Variants in SEMA4F observed in about 807,000 individuals in gnomAD.
The protein encoded by SEMA4F is ssemaphorin 4F, also known as semaphorin-4F.
In SEMA4F, 51 loss-of-function variants were observed where a neutral mutation model predicts 78.4. The observed-to-expected ratio is 0.65, with a 90% CI of 0.52 to 0.82. The LOEUF is 0.82. SEMA4F is among the 40% of genes least tolerant of loss of function. SEMA4F has a pLI of 0.00. For missense variants in SEMA4F, 938 were observed against 1,014.4 expected (o/e 0.92, Z 1.02); for synonymous variants, 418 against 408.7 (o/e 1.02, Z -0.27).
chr2:74,661,891 G>A (rs747162059), intron 4 of SEMA4F, among the ~76,000 whole-genome samples: 5 of 152,068 alleles, frequency 3.3e-5, no homozygotes, highest in East Asian at 1.9e-4. Context: ...TGGCATTTCC[G>A]TGCCATAACT....
At chr2:74,663,853 C>T (rs1464802431) in intron 5 of SEMA4F, among the ~76,000 whole-genome samples, 1 of 152,174 alleles carries the variant, frequency 6.6e-6, no homozygotes, top group Non-Finnish European at 1.5e-5. Flanking sequence ...CATATCATAT[C>T]CTAAATGGAT....
chr2:74,664,832 T>C (rs530935556), intron 5 of SEMA4F, among the ~76,000 whole-genome samples: 4 of 152,348 alleles, frequency 2.6e-5, no homozygotes, highest in African/African-American at 9.6e-5. Flanking sequence ...CAATTACATA[T>C]CTTTTCCTTT....
chr2:74,692,732 A>T, the SEMA4F span, among the ~76,000 whole-genome samples: 1 of 152,190 alleles, frequency 6.6e-6, no homozygotes, highest in Non-Finnish European at 1.5e-5. Context: ...CACAGATCTG[A>T]GGCTTCTGTT....
At chr2:74,670,017 T>C (rs1025956471) in intron 5 of SEMA4F, among the ~76,000 whole-genome samples, 3 of 152,226 alleles carry the variant, frequency 2.0e-5, no homozygotes. Context: ...GTTGAATTTT[T>C]CCTGGTGTGT....
chr2:74,687,105 G>A (rs1280542818), downstream of SEMA4F, among the ~76,000 whole-genome samples: 1 of 152,094 alleles, frequency 6.6e-6, no homozygotes, highest in Non-Finnish European at 1.5e-5. Flanking sequence ...GATTTACAGA[G>A]CCTCACATGT....
At position 74,680,100 on chromosome 2, in the gene SEMA4F, G is replaced by A. The variant is rs113159774; in HGVS notation, c.2204G>A (p.Ser735Asn). 1.3e-3 allele frequency: 2,052 copies of A among 1,613,776 alleles called. 2 individuals are homozygous for A. Among genetic ancestry groups the A allele is most frequent in the Non-Finnish European group, 1.7e-3 (1,956 of 1,179,642 alleles). Residue 735 changes from serine to asparagine, a missense_variant, in exon 14 of 14, where the codon AGT becomes AAT. Transcript: ENST00000357877. The part of the protein sequence containing the change: ...RLPLALAKRG[S>N]GFGGFSPPFL... ...CCGCTGGCCCTGGCCAAGAGGGGCAGTGGCTTTGGTGGATTCTCACCACCC... is the reference window on the plus strand; with the variant it reads ...CCGCTGGCCCTGGCCAAGAGGGGCAATGGCTTTGGTGGATTCTCACCACCC...
chr2:74,683,935 G>A (rs1685748014), downstream of SEMA4F: 1 of 152,174 alleles, frequency 6.6e-6, no homozygotes, highest in South Asian at 2.1e-4. Context: ...TATGCGTGAT[G>A]AACCTACCTA....
chr2:74,690,777 T>C, the SEMA4F span, among the ~76,000 whole-genome samples: 5 of 152,206 alleles, frequency 3.3e-5, no homozygotes, highest in Non-Finnish European at 2.9e-5. Context: ...TGTCGCTTTT[T>C]CCCCAAGAAT....
the SEMA4F span, among the ~76,000 whole-genome samples, chr2:74,697,165 G>A: frequency 1.3e-5 from 2 of 152,224 alleles, no homozygotes; most frequent in Admixed American, 1.3e-4. Context: ...CTGGAGATCT[G>A]TCTTCCCAGG....
At chr2:74,673,969 G>C in intron 7 of SEMA4F, 141 bp downstream of exon 7, 1 of 1,002,844 alleles carries the variant, frequency 1.0e-6, no homozygotes, top group Non-Finnish European at 1.5e-6. Flanking sequence ...CTGGGAGCTT[G>C]AGGAATGTGA....
rs1225016815 is a variant in SEMA4F at position 74,658,668 on chromosome 2, C to G, written c.456+717C>G. Reference sequence around the variant, plus strand: ...TAGTCATGATCTCTGGGACTGATGACTGTTTCTGAATTCTCAGCTTTTCCC... The same window carrying G: ...TAGTCATGATCTCTGGGACTGATGAGTGTTTCTGAATTCTCAGCTTTTCCC... On this transcript the variant is annotated intron_variant, in intron 4 of 13. Transcript: ENST00000357877. The surrounding 1 kb of genome is among the most constrained non-coding windows in gnomAD (Gnocchi z 4.3). 1.3e-5 allele frequency among the ~76,000 whole-genome samples: 2 copies of G among 152,238 alleles called. No individual in the cohort carries two copies. Among genetic ancestry groups the G allele is most frequent in the Non-Finnish European group, 2.9e-5 (2 of 68,052 alleles).
intron 1 of SEMA4F, among the ~76,000 whole-genome samples, chr2:74,654,762 C>G (rs895875987): frequency 6.6e-6 from 1 of 152,242 alleles, no homozygotes; most frequent in African/African-American, 2.4e-5. Flanking sequence ...GCTCCCACGA[C>G]ACGCCCAGGC....
Position 74,673,818 on chromosome 2 carries a change from G to C in SEMA4F, c.812G>C (p.Arg271Pro). The C allele has an allele frequency of 6.2e-7, 1 of 1,613,304 alleles. No individual in the cohort carries two copies. The highest frequency in any genetic ancestry group is 8.5e-7 in the Non-Finnish European group (1 of 1,179,540). Residue 271 changes from arginine to proline, a missense_variant, in exon 7 of 14, where the codon CGT becomes CCT. Coordinates refer to ENST00000357877, the MANE Select transcript of SEMA4F (RefSeq NM_004263.5). ...CGCATTAAAGTCCCACGGGTGGCCCGTGTGTGTGCGGTGAGACCCCATCCC... is the reference window on the plus strand; with the variant it reads ...CGCATTAAAGTCCCACGGGTGGCCCCTGTGTGTGCGGTGAGACCCCATCCC... ...YERIKVPRVA[R>P]VCAGDLGGRK...
intron 12 of SEMA4F, 94 bp from the exon 13 acceptor site, chr2:74,679,182 G>A: frequency 1.0e-6 from 1 of 974,278 alleles, no homozygotes; most frequent in Middle Eastern, 2.2e-4. Flanking sequence ...CTGGGATGAT[G>A]GGAGATATAT....
At chr2:74,700,730 A>G in the SEMA4F span, among the ~76,000 whole-genome samples, 2 of 152,200 alleles carry the variant, frequency 1.3e-5, no homozygotes, top group Non-Finnish European at 2.9e-5. Flanking sequence ...CTAGGATTCA[A>G]ATCTCAGGCA....
At chr2:74,704,807 C>T in the SEMA4F span, among the ~76,000 whole-genome samples, 1 of 152,130 alleles carries the variant, frequency 6.6e-6, no homozygotes, top group Non-Finnish European at 1.5e-5. Context: ...TCTCCTTCTC[C>T]AAACCCGGCC....
chr2:74,674,922 C>T lies in SEMA4F; in HGVS notation c.1036C>T (p.Arg346Ter), dbSNP rs749486094. The T allele has an allele frequency of 2.7e-5, 43 of 1,613,842 alleles. No homozygotes were observed. The highest frequency in any genetic ancestry group is 1.0e-4 in the Admixed American group (6 of 60,002). Residue 346 changes from arginine to a stop codon, truncating the protein, a stop_gained, in exon 9 of 14, where the codon CGA becomes TGA. Coordinates refer to ENST00000357877, the MANE Select transcript of SEMA4F (RefSeq NM_004263.5). LOFTEE classifies it high-confidence loss of function. ...GATISAVCAF[R>*]PQDIRTVLNG... ...TACTATCTCTGCTGTCTGTGCCTTC[C>T]GACCACAAGACATTCGGACAGTGCT...
Position 74,674,968 on chromosome 2 carries a change from T to C in SEMA4F, c.1082T>C (p.Leu361Pro). 6.2e-7 allele frequency: 1 copy of C among 1,613,874 alleles called. No individual in the cohort carries two copies. Among genetic ancestry groups the C allele is most frequent in the Non-Finnish European group, 8.5e-7 (1 of 1,179,982 alleles). ...GTGCTGAATGGTCCCTTCAGAGAAC[T>C]AAAACATGACTGCAACAGAGGACTG... ...RTVLNGPFRELKHDCNRGLPV... is the reference protein window; with the variant it reads ...RTVLNGPFREPKHDCNRGLPV... Residue 361 changes from leucine (L) to proline (P), a missense_variant, in exon 9 of 14, where the codon CTA becomes CCA. Leu to Pro is a moderately conservative substitution (Grantham distance 98, BLOSUM62 -3). Transcript: ENST00000357877.
Position 74,674,877 on chromosome 2 carries a change from G to A in SEMA4F, c.1002-11G>A, listed in dbSNP as rs1420583819. On this transcript the variant is annotated splice_polypyrimidine_tract_variant and intron_variant, in intron 8 of 13. Coordinates refer to ENST00000357877, the MANE Select transcript of SEMA4F (RefSeq NM_004263.5). The stretch of plus-strand genomic sequence containing the variant: ...CCCTCCATATATCCAGCTCCAACCT[G>A]TGAATTCCAGGGAGGGGGCTACTAT... 3.1e-6 allele frequency: 5 copies of A among 1,613,670 alleles called. No individual in the cohort carries two copies. Among genetic ancestry groups the A allele is most frequent in the South Asian group, 2.2e-5 (2 of 91,020 alleles).
Sources: allele counts gnomAD v4.1 joint callset (sites outside exome capture counted in the v4.1 genomes callset), GRCh38; gene constraint gnomAD v4.1.1; non-coding constraint Gnocchi (gnomAD v3.1); transcripts MANE v1.5; gene names NCBI Gene and HGNC (gene_info 2026-07-23, HGNC 2026-07-21).